Variants in MYRIP observed in about 807,000 individuals in gnomAD.
MYRIP encodes myosin VIIA and Rab interacting protein.
A neutral mutation model predicts 98.0 loss-of-function variants in MYRIP; 49 were observed. The observed-to-expected ratio is 0.50, with a 90% confidence interval of 0.40 to 0.63. The LOEUF (loss-of-function observed/expected upper bound fraction) is 0.63, where lower values mean the gene tolerates loss of function less well. MYRIP is among the 30% of genes least tolerant of loss of function. MYRIP has a pLI of 0.00. For synonymous variants in MYRIP, 404 were observed against 409.5 expected (o/e 0.99, Z 0.16); for missense variants, 1,004 against 1,058.2 (o/e 0.95, Z 0.71).
chr3:40,059,532 A>G (rs1947959761), intron 3 of MYRIP, among the ~76,000 whole-genome samples: 1 of 152,124 alleles, frequency 6.6e-6, no homozygotes, highest in Non-Finnish European at 1.5e-5. Context: ...TCTGATGACC[A>G]TTGATGATGA....
At chr3:39,838,996 C>T (rs1274242284) in intron 1 of MYRIP, among the ~76,000 whole-genome samples, 2 of 152,070 alleles carry the variant, frequency 1.3e-5, no homozygotes, top group African/African-American at 4.8e-5. Context: ...AGTTTATGTG[C>T]ATAGAGATGT....
At chr3:40,126,421 C>T (rs1481750797) in intron 3 of MYRIP, among the ~76,000 whole-genome samples, 1 of 152,192 alleles carries the variant, frequency 6.6e-6, no homozygotes, top group East Asian at 1.9e-4. Context: ...TGTTAATTTA[C>T]TGATTATACC....
intron 12 of MYRIP, among the ~76,000 whole-genome samples, chr3:40,238,033 C>A (rs915892449): frequency 6.6e-6 from 1 of 152,196 alleles, no homozygotes; most frequent in Non-Finnish European, 1.5e-5. Context: ...CACTTACAGA[C>A]TGAAGATGTC....
At chr3:40,225,677 C>A (rs1172718759) in intron 11 of MYRIP, among the ~76,000 whole-genome samples, 1 of 152,170 alleles carries the variant, frequency 6.6e-6, no homozygotes, top group Non-Finnish European at 1.5e-5. Flanking sequence ...AGGTTGCTGT[C>A]ATGGTTGAAT....
At chr3:39,912,346 A>G (rs903142849) in intron 2 of MYRIP, among the ~76,000 whole-genome samples, 2 of 152,204 alleles carry the variant, frequency 1.3e-5, no homozygotes, top group Non-Finnish European at 2.9e-5. Flanking sequence ...CTAGAATAAT[A>G]CGAAAACAGA....
chr3:39,874,665 C>G lies in MYRIP; in HGVS notation c.-30-26122C>G, dbSNP rs533139634. Among the ~76,000 whole-genome samples the G allele has an allele frequency of 3.2e-3, 493 of 152,220 alleles. 1 individual carries two copies. The highest frequency in any genetic ancestry group is 0.011 in the African/African-American group (466 of 41,520). ...CATTTATTGATTTGCATATATTGAA[C>G]CAGCCTTGCATCCCAGGGATGAAGC... On this transcript the variant is annotated intron_variant, in intron 1 of 16. Coordinates refer to ENST00000302541, the MANE Select transcript of MYRIP (RefSeq NM_015460.4).
At chr3:40,204,147 T>TACA (rs1377628520) in intron 10 of MYRIP, among the ~76,000 whole-genome samples, 8 of 31,764 alleles carry the variant, frequency 2.5e-4, no homozygotes, top group Non-Finnish European at 4.1e-4. Flanking sequence ...TATTATATAA[T>TACA]ATATAAATAT....
chr3:40,173,153 A>G (rs928109722), intron 8 of MYRIP: 4 of 152,164 alleles, frequency 2.6e-5, no homozygotes, highest in African/African-American at 4.8e-5. Flanking sequence ...CCTTTTCTTT[A>G]TATAAATTTT....
chr3:40,115,777 G>A (rs1051010447), intron 3 of MYRIP, among the ~76,000 whole-genome samples: 5 of 151,754 alleles, frequency 3.3e-5, no homozygotes, highest in Admixed American at 6.6e-5. Flanking sequence ...GAGATTCCCA[G>A]TCCCTGGTTC....
intron 1 of MYRIP, among the ~76,000 whole-genome samples, chr3:39,861,599 T>G (rs1187883310): frequency 6.6e-6 from 1 of 152,026 alleles, no homozygotes; most frequent in African/African-American, 2.4e-5. Context: ...TTGAATTCAA[T>G]AAAATGATAC....
chr3:40,002,025 C>A (rs1008824375), intron 2 of MYRIP, among the ~76,000 whole-genome samples: 1 of 152,156 alleles, frequency 6.6e-6, no homozygotes, highest in African/African-American at 2.4e-5. Flanking sequence ...CACAGCCTTG[C>A]ACTCTAGAAG....
At chr3:39,956,394 A>G (rs4367002) in intron 2 of MYRIP, among the ~76,000 whole-genome samples, 40,389 of 152,064 alleles carry the variant, frequency 0.27, 5,840 homozygotes, top group Middle Eastern at 0.36. Flanking sequence ...CAACCCAACT[A>G]CATGGAAACT....
chr3:39,827,403 G>A (rs569786696), intron 1 of MYRIP, among the ~76,000 whole-genome samples: 20 of 152,238 alleles, frequency 1.3e-4, no homozygotes, highest in South Asian at 1.2e-3. Context: ...GTGAGCCACC[G>A]CATCAAGCCA....
intron 1 of MYRIP, among the ~76,000 whole-genome samples, chr3:39,826,127 AT>A (rs1054091132): frequency 6.6e-6 from 1 of 151,420 alleles, no homozygotes; most frequent in African/African-American, 2.4e-5. Flanking sequence ...TAAAAAAACA[AT>A]TTTTTGTTAT....
Position 39,993,003 on chromosome 3 carries a change from C to A in MYRIP, c.111-51047C>A, listed in dbSNP as rs187156957. On this transcript the variant is annotated intron_variant, in intron 2 of 16. Transcript: ENST00000302541. The stretch of plus-strand genomic sequence containing the variant: ...ATATTTGTTTCTTTGTGTCTCAGAC[C>A]ATTTTGTGCTGATATAACAGAATAC... Among the ~76,000 whole-genome samples the A allele has an allele frequency of 4.5e-4, 69 of 152,220 alleles. 1 individual carries two copies. Among genetic ancestry groups the A allele is most frequent in the African/African-American group, 1.5e-3 (64 of 41,532 alleles).
chr3:39,930,952 G>A (rs770367271), intron 2 of MYRIP, among the ~76,000 whole-genome samples: 1 of 152,054 alleles, frequency 6.6e-6, no homozygotes, highest in Non-Finnish European at 1.5e-5. Context: ...TTGTGATGTG[G>A]AGTCCTCTAG....
At chr3:40,137,578 G>A (rs1299482026) in intron 3 of MYRIP, among the ~76,000 whole-genome samples, 1 of 152,056 alleles carries the variant, frequency 6.6e-6, no homozygotes, top group Non-Finnish European at 1.5e-5. Context: ...ACAGACACAA[G>A]CAAAAAACAG....
intron 2 of MYRIP, among the ~76,000 whole-genome samples, chr3:39,912,325 T>C (rs1308091587): frequency 6.6e-6 from 1 of 152,216 alleles, no homozygotes; most frequent in Non-Finnish European, 1.5e-5. Context: ...TGACCACCTC[T>C]GGAATTAGTA....
chr3:39,953,072 C>T (rs1156632166), intron 2 of MYRIP, among the ~76,000 whole-genome samples: 3 of 152,200 alleles, frequency 2.0e-5, no homozygotes, highest in East Asian at 1.9e-4. Context: ...GACAATGCCC[C>T]GGGGCATGAG....
Sources: gnomAD v4.1 joint callset for allele counts (sites outside exome capture counted in the v4.1 genomes callset) on GRCh38, gnomAD v4.1.1 for gene constraint, MANE v1.5 for transcripts, NCBI Gene and HGNC (gene_info 2026-07-23, HGNC 2026-07-21) for gene names.